The following SLC22A16 variants were observed in gnomAD, a reference collection of about 807,000 sequenced individuals.
SLC22A16 encodes solute carrier family 22 member 16.
In SLC22A16, 53 loss-of-function variants were observed where a neutral mutation model predicts 52.9. That is an observed-to-expected ratio of 1.00 (90% CI 0.80 to 1.26). The LOEUF (loss-of-function observed/expected upper bound fraction) is 1.26, where lower values mean the gene tolerates loss of function less well. Among genes scored for constraint, SLC22A16 ranks in the 50% most tolerant of loss-of-function variants. The probability of loss-of-function intolerance (pLI) is 0.00; values close to 1 mark genes in which losing one functional copy is unlikely to be tolerated. For synonymous variants in SLC22A16, 291 were observed against 268.8 expected (o/e 1.08, Z -0.81); for missense variants, 726 against 704.0 (o/e 1.03, Z -0.35).
chr6:110,464,903 A>G (rs1374807167), intron 1 of SLC22A16, among the ~76,000 whole-genome samples: 1 of 152,104 alleles, frequency 6.6e-6, no homozygotes, highest in Non-Finnish European at 1.5e-5. Context: ...AAATACTAGC[A>G]AACTGAATCC....
chr6:110,429,459 T>C (rs972837234), intron 7 of SLC22A16, among the ~76,000 whole-genome samples: 1 of 152,236 alleles, frequency 6.6e-6, no homozygotes, highest in African/African-American at 2.4e-5. Context: ...ACTTGTGAGA[T>C]TACGTTAGTG....
intron 1 of SLC22A16, 27 bp downstream of exon 1, chr6:110,476,495 T>TGGGGGGGGGGGGG: frequency 4.7e-6 from 2 of 423,466 alleles, no homozygotes; most frequent in Non-Finnish European, 7.7e-6. Context: ...GCCTCCCGCG[T>TGGGGGGGGGGGGG]GGCGCCGCGG....
chr6:110,454,569 A>G (rs190748924), intron 2 of SLC22A16, among the ~76,000 whole-genome samples: 1,326 of 110,014 alleles, frequency 0.012, 31 homozygotes, highest in African/African-American at 0.046. Context: ...TATATATTAT[A>G]TATAATATTT....
intron 7 of SLC22A16, among the ~76,000 whole-genome samples, chr6:110,426,518 C>T (rs999365678): frequency 3.3e-5 from 5 of 152,018 alleles, no homozygotes; most frequent in Admixed American, 6.6e-5. Flanking sequence ...GGAGGCCAGG[C>T]GGATCCTTTC....
intron 1 of SLC22A16, 57 bp downstream of exon 1, chr6:110,476,465 G>A: frequency 6.1e-6 from 9 of 1,466,094 alleles, no homozygotes; most frequent in African/African-American, 1.5e-5. Context: ...GCAACGGAAA[G>A]AAACAGACCC....
At chr6:110,429,440 T>A (rs1480903060) in intron 7 of SLC22A16, among the ~76,000 whole-genome samples, 1 of 152,272 alleles carries the variant, frequency 6.6e-6, no homozygotes, top group Non-Finnish European at 1.5e-5. Flanking sequence ...TACCAAGCAC[T>A]GTTTTATTAC....
intron 1 of SLC22A16, among the ~76,000 whole-genome samples, chr6:110,469,546 T>A (rs189973432): frequency 1.3e-5 from 2 of 152,326 alleles, no homozygotes; most frequent in African/African-American, 4.8e-5. Context: ...AGACCCTGTC[T>A]CAAAAATAAA....
intron 6 of SLC22A16, among the ~76,000 whole-genome samples, chr6:110,434,058 T>C (rs1774616406): frequency 6.6e-6 from 1 of 152,052 alleles, no homozygotes; most frequent in Non-Finnish European, 1.5e-5. Context: ...CTGGCCAACA[T>C]GGTGAAACCC....
At position 110,456,756 on chromosome 6, in the gene SLC22A16, CTT is replaced by C; in HGVS notation, c.313_314del (p.Lys105GlufsTer10). ...IWELSRCSRN[K>X]RENTSSLGYE... ...AGCCCAAACTCGATGTGTTCTCCCT[CTT>C]ATTCCTGCTACACCTTGAGAGCTCC... On this transcript the variant is annotated frameshift_variant, in exon 2 of 8. Transcript: ENST00000368919. LOFTEE classifies it high-confidence loss of function. The C allele has an allele frequency of 6.2e-7, 1 of 1,614,186 alleles. No individual in the cohort carries two copies. The highest frequency in any genetic ancestry group is 1.1e-5 in the South Asian group (1 of 91,086).
chr6:110,464,988 T>A (rs1373612773), intron 1 of SLC22A16, among the ~76,000 whole-genome samples: 1 of 151,754 alleles, frequency 6.6e-6, no homozygotes, highest in African/African-American at 2.4e-5. Flanking sequence ...GTTCAACATA[T>A]GCAAGTCAAT....
chr6:110,443,955 G>A (rs1254545868), intron 3 of SLC22A16, among the ~76,000 whole-genome samples: 2 of 152,188 alleles, frequency 1.3e-5, no homozygotes, highest in Non-Finnish European at 2.9e-5. Flanking sequence ...GTTGTCAGGG[G>A]CTAGGGAGAC....
intron 1 of SLC22A16, among the ~76,000 whole-genome samples, chr6:110,458,047 C>G (rs1047984636): frequency 1.3e-5 from 2 of 152,166 alleles, no homozygotes; most frequent in Non-Finnish European, 2.9e-5. Flanking sequence ...CTTTCATGTT[C>G]CATCCTATAC....
At chr6:110,434,013 G>A (rs1774614473) in intron 6 of SLC22A16, among the ~76,000 whole-genome samples, 1 of 152,146 alleles carries the variant, frequency 6.6e-6, no homozygotes, top group African/African-American at 2.4e-5. Flanking sequence ...GGCCAAGGAG[G>A]GTGGATCACT....
At chr6:110,454,875 A>T (rs796367814) in intron 2 of SLC22A16, among the ~76,000 whole-genome samples, 2 of 71,294 alleles carry the variant, frequency 2.8e-5, no homozygotes, top group East Asian at 3.3e-4. Flanking sequence ...ATTATATATA[A>T]TATATATATT....
chr6:110,451,604 A>G (rs372561014), intron 2 of SLC22A16, among the ~76,000 whole-genome samples: 1 of 152,078 alleles, frequency 6.6e-6, no homozygotes, highest in Non-Finnish European at 1.5e-5. Flanking sequence ...CCATTTTTCT[A>G]TTGGATTGTC....
chr6:110,431,292 T>C (rs1003393930), intron 6 of SLC22A16, 22 bp from the exon 7 acceptor site: 43 of 1,604,620 alleles, frequency 2.7e-5, no homozygotes, highest in Non-Finnish European at 3.7e-5. Flanking sequence ...GGAGAGAGGC[T>C]GAGACAAGTA....
At chr6:110,472,666 C>T (rs771459232) in intron 1 of SLC22A16, among the ~76,000 whole-genome samples, 1 of 152,118 alleles carries the variant, frequency 6.6e-6, no homozygotes, top group African/African-American at 2.4e-5. Context: ...TTTCCTTAGG[C>T]GTCTAGCATT....
At chr6:110,454,446 T>A (rs1775504523) in intron 2 of SLC22A16, among the ~76,000 whole-genome samples, 2 of 149,376 alleles carry the variant, frequency 1.3e-5, no homozygotes, top group Non-Finnish European at 3.0e-5. Flanking sequence ...GAATACCAGT[T>A]AATGGTATGC....
chr6:110,453,685 G>A (rs1454595721), intron 2 of SLC22A16: 7 of 456,074 alleles, frequency 1.5e-5, no homozygotes, highest in Non-Finnish European at 2.6e-5. Context: ...CAAGCAGTTA[G>A]GAAGCCTACT....
Sources: gnomAD v4.1 joint callset for allele counts (sites outside exome capture counted in the v4.1 genomes callset) on GRCh38, gnomAD v4.1.1 for gene constraint, MANE v1.5 for transcripts, NCBI Gene and HGNC (gene_info 2026-07-23, HGNC 2026-07-21) for gene names.